The following DNAH17 variants were observed in gnomAD, a reference collection of about 807,000 sequenced individuals.
The protein encoded by DNAH17 is axonemal beta dynein heavy chain 17.
Under a neutral mutation model 485.6 loss-of-function variants are expected in DNAH17, and 376 were observed. That is an observed-to-expected ratio of 0.77 (90% CI 0.71 to 0.84). The LOEUF (loss-of-function observed/expected upper bound fraction) is 0.84. DNAH17 is among the 40% of genes least tolerant of loss of function. The pLI, the probability that DNAH17 is intolerant of heterozygous loss-of-function variation, is 0.00. For missense variants in DNAH17, 6,370 were observed against 5,839.3 expected (o/e 1.09, Z -2.96); for synonymous variants, 3,031 against 2,405.9 (o/e 1.26, Z -7.60).
At chr17:78,547,738 C>A (rs1028502257) in intron 16 of DNAH17, among the ~76,000 whole-genome samples, 1 of 152,068 alleles carries the variant, frequency 6.6e-6, no homozygotes, top group Non-Finnish European at 1.5e-5. Flanking sequence ...CTGCCTCAGC[C>A]TCTCTAGTAG....
chr17:78,539,625 T>TA, intron 18 of DNAH17, 112 bp downstream of exon 18: 1 of 990,824 alleles, frequency 1.0e-6, no homozygotes, highest in Non-Finnish European at 1.4e-6. Context: ...AGATATATTT[T>TA]AATAAGTCTA....
In DNAH17 at chr17:78,498,248, C is replaced by T. The variant is rs572711584; in HGVS notation, c.5745+760G>A. 2.1e-4 allele frequency among the ~76,000 whole-genome samples: 32 copies of T among 152,322 alleles called. No individual in the cohort carries two copies. In the South Asian group the frequency reaches 4.8e-3, roughly 23 times the overall value. On this transcript the variant is annotated intron_variant, in intron 37 of 80. Coordinates refer to ENST00000389840, the MANE Select transcript of DNAH17 (RefSeq NM_173628.4). ...TTAAGCAGCCCAGGAGGCATTTGCA[C>T]GTCCACACCCCACATGCTCCTGGTC...
intron 2 of DNAH17, 74 bp from the exon 3 acceptor site, chr17:78,572,968 C>T (rs1404474396): frequency 8.6e-6 from 12 of 1,398,594 alleles, no homozygotes; most frequent in Middle Eastern, 2.2e-4. Flanking sequence ...GCCAGGTCCC[C>T]GGGGGGTTCC....
intron 58 of DNAH17, among the ~76,000 whole-genome samples, chr17:78,460,993 T>C (rs1275724245): frequency 2.6e-5 from 4 of 152,044 alleles, no homozygotes; most frequent in Non-Finnish European, 5.9e-5. Flanking sequence ...GAGAAGCTGC[T>C]CCAATGATGC....
At chr17:78,474,997 A>C (rs2088947575) in intron 54 of DNAH17, among the ~76,000 whole-genome samples, 1 of 150,090 alleles carries the variant, frequency 6.7e-6, no homozygotes, top group African/African-American at 2.5e-5. Context: ...GCTTCACCTC[A>C]GTCACATGGA....
intron 25 of DNAH17, among the ~76,000 whole-genome samples, chr17:78,521,580 T>C (rs1237164990): frequency 6.6e-6 from 1 of 151,740 alleles, no homozygotes; most frequent in African/African-American, 2.4e-5. Flanking sequence ...AGCAGAAAAC[T>C]ATAAAAGCAT....
At chr17:78,434,264 G>T in intron 74 of DNAH17, 44 bp from the exon 75 acceptor site, 1 of 1,555,662 alleles carries the variant, frequency 6.4e-7, no homozygotes. Context: ...AGAGGGAGAA[G>T]TTTACACAGA....
Position 78,425,513 on chromosome 17 carries a change from A to G in DNAH17, c.12974T>C (p.Phe4325Ser). ...CGTGAGGAACGACTGGGGGTTGAAG[A>G]AGCCGGCCAGCCACACGGTGGTGGG... ...ALPTTVWLAG[F>S]FNPQSFLTAI... The change falls in exon 80 of 81, where the codon TTC (phenylalanine) becomes TCC (serine). Residue 4325 changes from phenylalanine to serine, a missense_variant. By Grantham distance (155) the Phe-to-Ser change is radical. Transcript: ENST00000389840. The G allele has an allele frequency of 3.1e-6, 5 of 1,613,864 alleles. No homozygotes were observed. The highest frequency in any genetic ancestry group is 4.2e-6 in the Non-Finnish European group (5 of 1,179,908).
intron 13 of DNAH17, among the ~76,000 whole-genome samples, chr17:78,558,778 T>C (rs2092087918): frequency 6.6e-6 from 1 of 152,048 alleles, no homozygotes; most frequent in African/African-American, 2.4e-5. Context: ...TTCTCTCTGC[T>C]TTCACCCGGT....
intron 38 of DNAH17, 95 bp downstream of exon 38, chr17:78,495,780 C>A: frequency 6.9e-7 from 1 of 1,455,962 alleles, no homozygotes; most frequent in Admixed American, 2.3e-5. Context: ...CCAGCTTGCC[C>A]TCTGCCCCTC....
In DNAH17 at chr17:78,575,042, C is replaced by T. The variant is rs761521733; in HGVS notation, c.16G>A (p.Asp6Asn). 6.2e-7 allele frequency: 1 copy of T among 1,613,000 alleles called. No homozygotes were observed. The highest frequency in any genetic ancestry group is 8.5e-7 in the Non-Finnish European group (1 of 1,179,426). Residue 6 changes from aspartate (D) to asparagine (N), a missense_variant, in exon 2 of 81, where the codon GAC becomes AAC. Coordinates refer to ENST00000389840, the MANE Select transcript of DNAH17 (RefSeq NM_173628.4). MTMAP[D>N]VRLEYLEEVA... ...TCCTCCAGATACTCTAGTCTGACGT[C>T]CGGGGCCATTGTCATCTTGGCCTTT...
chr17:78,470,226 C>T (rs1455931884), intron 54 of DNAH17, among the ~76,000 whole-genome samples: 1 of 151,182 alleles, frequency 6.6e-6, no homozygotes, highest in Non-Finnish European at 1.5e-5. Context: ...TGCCACCATG[C>T]TCAGCTAATT....
At chr17:78,506,650 G>A (rs2090493228) in intron 30 of DNAH17, 70 bp downstream of exon 30, 4 of 1,607,184 alleles carry the variant, frequency 2.5e-6, no homozygotes, top group African/African-American at 2.7e-5. Context: ...GGGCGGTTGA[G>A]GTAGAGGTGC....
intron 75 of DNAH17, among the ~76,000 whole-genome samples, chr17:78,432,921 G>A (rs1444525170): frequency 2.1e-4 from 5 of 24,030 alleles, no homozygotes; most frequent in Admixed American, 6.9e-4. Context: ...CCCCGACCCC[G>A]GTGCCAGCAC....
Position 78,552,040 on chromosome 17 carries a change from C to G in DNAH17, c.2288-402G>C, listed in dbSNP as rs79583218. Among the ~76,000 whole-genome samples the G allele has an allele frequency of 1.1e-3, 172 of 152,206 alleles. 1 individual carries two copies. The East Asian group carries it at 0.031, about 28-fold the overall frequency. ...TAACACTCATCACTATGAGACAGCC[C>G]TGGGAAAATACTCCTATTCTGGAAC... On this transcript the variant is annotated intron_variant, in intron 15 of 80. Coordinates refer to ENST00000389840, the MANE Select transcript of DNAH17 (RefSeq NM_173628.4).
chr17:78,480,753 G>T lies in DNAH17; in HGVS notation c.7683C>A (p.Ile2561=), dbSNP rs747952227. The change falls in exon 49 of 81, where the codon ATC becomes ATA. Residue 2561 remains isoleucine (I), a synonymous_variant. Coordinates refer to ENST00000389840, the MANE Select transcript of DNAH17 (RefSeq NM_173628.4). ...YDRHKLTLKD[I]HNCQYVACMN... is the part of the protein sequence containing the mutation. Reference sequence around the variant, plus strand: ...TGCAGGCCACGTACTGACAATTATGGATATCTTTTAACGTCAGCTTATGTC... The same window carrying T: ...TGCAGGCCACGTACTGACAATTATGTATATCTTTTAACGTCAGCTTATGTC... The T allele has an allele frequency of 8.7e-6, 14 of 1,613,618 alleles. No homozygotes were observed. The highest frequency in any genetic ancestry group is 1.2e-5 in the Non-Finnish European group (14 of 1,179,828).
intron 16 of DNAH17, among the ~76,000 whole-genome samples, chr17:78,548,213 T>TTTTTC (rs2091818818): frequency 1.5e-5 from 2 of 136,770 alleles, no homozygotes; most frequent in South Asian, 2.3e-4. Flanking sequence ...TTTTTTTTTT[T>TTTTTC]TTTTTTTTGG....
chr17:78,546,964 A>ATGG (rs2091780754), intron 16 of DNAH17, among the ~76,000 whole-genome samples: 1 of 152,164 alleles, frequency 6.6e-6, no homozygotes, highest in Admixed American at 6.6e-5. Flanking sequence ...AATTCAGGAT[A>ATGG]TGGTTAACTT....
intron 26 of DNAH17, among the ~76,000 whole-genome samples, chr17:78,511,590 G>A (rs2090637416): frequency 6.6e-6 from 1 of 152,226 alleles, no homozygotes; most frequent in African/African-American, 2.4e-5. Context: ...GAACATACCA[G>A]GTACTTGCCT....
Sources: allele counts gnomAD v4.1 joint callset (sites outside exome capture counted in the v4.1 genomes callset), GRCh38; gene constraint gnomAD v4.1.1; transcripts MANE v1.5; gene names NCBI Gene and HGNC (gene_info 2026-07-23, HGNC 2026-07-21).